SLC13A4: variants seen among roughly 807,000 people sequenced by gnomAD.
SLC13A4 encodes Na(+)/sulfate cotransporter SUT-1.
SLC13A4 carries 28 observed loss-of-function variants against 72.7 expected under a neutral mutation model. The ratio of observed to expected loss-of-function variants is 0.39; its 90% CI spans 0.29 to 0.53. SLC13A4 has a LOEUF of 0.53. SLC13A4 is among the 20% of genes least tolerant of loss of function. The pLI, the probability that SLC13A4 is intolerant of heterozygous loss-of-function variation, is 0.78. For synonymous variants in SLC13A4, 312 were observed against 325.5 expected, an observed-to-expected ratio of 0.96 and a Z score of 0.45; for missense variants, 653 against 788.0, an observed-to-expected ratio of 0.83 and a Z score of 2.05.
At chr7:135,719,948 AGTTGGG>A (rs1796511551) in intron 2 of SLC13A4, among the ~76,000 whole-genome samples, 1 of 128,658 alleles carries the variant, frequency 7.8e-6, no homozygotes, top group African/African-American at 3.0e-5. Flanking sequence ...CAGGGGAGGG[AGTTGGG>A]GGGAGAGAGA....
At chr7:135,706,446 C>T (rs1796164028) in intron 3 of SLC13A4, 146 bp from the exon 4 acceptor site, 1 of 695,330 alleles carries the variant, frequency 1.4e-6, no homozygotes, top group Admixed American at 2.8e-5. Flanking sequence ...TGCCATTCAG[C>T]TCTGTACTCC....
intron 4 of SLC13A4, 125 bp downstream of exon 4, chr7:135,706,002 TG>T (rs1796151307): frequency 2.8e-6 from 2 of 702,358 alleles, no homozygotes; most frequent in South Asian, 2.9e-5. Context: ...AAGGGGAATG[TG>T]GGGGCATGGC....
At chr7:135,702,141 G>A (rs2129494540) in intron 6 of SLC13A4, 1 of 164,498 alleles carries the variant, frequency 6.1e-6, no homozygotes, top group East Asian at 1.8e-4. Context: ...GTCTCACTGT[G>A]TTGTCCAGGC....
intron 1 of SLC13A4, among the ~76,000 whole-genome samples, chr7:135,723,971 T>C (rs924603828): frequency 6.6e-6 from 1 of 152,214 alleles, no homozygotes. Flanking sequence ...CTGTTTGCTA[T>C]AGAAATAAAA....
At chr7:135,712,461 TAAAAAAA>T (rs539587817) in intron 2 of SLC13A4, among the ~76,000 whole-genome samples, 1 of 122,960 alleles carries the variant, frequency 8.1e-6, no homozygotes, top group African/African-American at 3.1e-5. Context: ...TTTTCTCATC[TAAAAAAA>T]AAAAAAAAAA....
chr7:135,697,860 G>T (rs1343921015), intron 8 of SLC13A4, among the ~76,000 whole-genome samples: 2 of 151,940 alleles, frequency 1.3e-5, no homozygotes, highest in Non-Finnish European at 2.9e-5. Flanking sequence ...TCTTAATCTA[G>T]CTTACTCCCG....
At chr7:135,700,326 G>C (rs1316995673) in intron 7 of SLC13A4, among the ~76,000 whole-genome samples, 1 of 152,184 alleles carries the variant, frequency 6.6e-6, no homozygotes, top group Admixed American at 6.5e-5. Context: ...TCCTGAAGAA[G>C]CAAGTCCCTC....
intron 2 of SLC13A4, among the ~76,000 whole-genome samples, chr7:135,714,388 G>A (rs1204161142): frequency 1.3e-5 from 2 of 152,176 alleles, no homozygotes; most frequent in Non-Finnish European, 2.9e-5. Flanking sequence ...CAAGGGTCTG[G>A]GCTCTGAGCC....
intron 7 of SLC13A4, among the ~76,000 whole-genome samples, chr7:135,699,826 A>G (rs1176922087): frequency 6.6e-6 from 1 of 152,184 alleles, no homozygotes; most frequent in Non-Finnish European, 1.5e-5. Flanking sequence ...CATTTAATGA[A>G]TGGTAGGCTA....
chr7:135,727,428 C>A lies in SLC13A4; in HGVS notation c.69G>T (p.Leu23=). The part of the protein sequence containing the change: ...LLLVVCVPLL[L]LPLPVLHPSS... ...TGGGGTGGAGGACGGGCAGAGGCAG[C>A]AGCAGGAGCGGGACGCAGACGACCA... The change falls in exon 1 of 16, where the codon CTG becomes CTT. Residue 23 remains leucine, a synonymous_variant. Transcript: ENST00000682651. 5.2e-6 allele frequency: 8 copies of A among 1,549,858 alleles called. No individual in the cohort carries two copies. Among genetic ancestry groups the A allele is most frequent in the Non-Finnish European group, 7.0e-6 (8 of 1,146,894 alleles).
intron 2 of SLC13A4, among the ~76,000 whole-genome samples, chr7:135,717,114 GCCT>G (rs1274834662): frequency 2.6e-5 from 4 of 152,228 alleles, no homozygotes; most frequent in East Asian, 3.9e-4. Flanking sequence ...CTGATAATAA[GCCT>G]TTTATATTTT....
intron 8 of SLC13A4, 143 bp downstream of exon 8, chr7:135,699,221 T>G: frequency 2.4e-6 from 2 of 830,476 alleles, no homozygotes; most frequent in South Asian, 2.5e-5. Flanking sequence ...ATTACAGATA[T>G]GAGCCACTGT....
chr7:135,695,337 A>G, intron 9 of SLC13A4, 31 bp downstream of exon 9: 1 of 1,612,832 alleles, frequency 6.2e-7, no homozygotes, highest in Non-Finnish European at 8.5e-7. Context: ...GGGGGGCTTC[A>G]GTGCTTTGCT....
intron 2 of SLC13A4, among the ~76,000 whole-genome samples, chr7:135,712,461 TAAAAAAAAAAAA>T (rs539587817): frequency 8.1e-6 from 1 of 122,982 alleles, no homozygotes; most frequent in Non-Finnish European, 1.7e-5. Context: ...TTTTCTCATC[TAAAAAAAAAAAA>T]AAAAAAGGAA....
chr7:135,697,586 C>CT (rs796453706), intron 8 of SLC13A4, among the ~76,000 whole-genome samples: 1,621 of 135,350 alleles, frequency 0.012, 13 homozygotes, highest in African/African-American at 0.03. Context: ...ATCTGTTCTC[C>CT]TTTTTTTTTT....
intron 15 of SLC13A4, 54 bp downstream of exon 15, chr7:135,684,070 C>T: frequency 2.0e-6 from 3 of 1,524,278 alleles, no homozygotes; most frequent in Non-Finnish European, 2.7e-6. Context: ...GCAGAGCTGT[C>T]ATCCCTGTCC....
chr7:135,687,412 CT>C (rs1451984593), intron 13 of SLC13A4, among the ~76,000 whole-genome samples: 1 of 152,224 alleles, frequency 6.6e-6, no homozygotes, highest in Non-Finnish European at 1.5e-5. Flanking sequence ...CAGCATGTTA[CT>C]TTTTCTCCTC....
chr7:135,711,956 T>C (rs1016807443), intron 2 of SLC13A4, among the ~76,000 whole-genome samples: 1 of 138,560 alleles, frequency 7.2e-6, no homozygotes, highest in African/African-American at 2.8e-5. Flanking sequence ...CTGGCTAATG[T>C]TTTTGGATTT....
chr7:135,684,929 C>G (rs934615056), intron 14 of SLC13A4, among the ~76,000 whole-genome samples: 12 of 152,186 alleles, frequency 7.9e-5, no homozygotes, highest in African/African-American at 2.9e-4. Flanking sequence ...GATGCATCAC[C>G]TTTCCGGCTG....
Sources: gnomAD v4.1 joint callset for allele counts (sites outside exome capture counted in the v4.1 genomes callset) on GRCh38, gnomAD v4.1.1 for gene constraint, MANE v1.5 for transcripts, NCBI Gene and HGNC (gene_info 2026-07-23, HGNC 2026-07-21) for gene names.